Variants in RNF212B observed in about 807,000 individuals in gnomAD.
RNF212B encodes the protein ring finger protein 212B.
In RNF212B, 52 loss-of-function variants were observed where a neutral mutation model predicts 55.5. The ratio of observed to expected loss-of-function variants is 0.94; its 90% confidence interval spans 0.75 to 1.18. RNF212B has a LOEUF of 1.18. Ranked by LOEUF, RNF212B falls within the 50% of genes most tolerant of loss-of-function variation. The probability of loss-of-function intolerance (pLI) is 0.00; values close to 1 mark genes in which losing one functional copy is unlikely to be tolerated. For missense variants in RNF212B, 289 were observed against 350.4 expected (o/e 0.82, Z 1.40); for synonymous variants, 99 against 121.4 (o/e 0.82, Z 1.21).
chr14:23,231,945 AAT>A (rs1398544743), intron 2 of RNF212B, among the ~76,000 whole-genome samples: 1 of 108,106 alleles, frequency 9.3e-6, no homozygotes, highest in African/African-American at 4.7e-5. Context: ...CTCAGTGCTC[AAT>A]GTTGTTGCCC....
chr14:23,268,173 A>G (rs1481278896), intron 11 of RNF212B, among the ~76,000 whole-genome samples: 2 of 152,182 alleles, frequency 1.3e-5, no homozygotes, highest in Admixed American at 6.5e-5. Context: ...GGTGCTGTCA[A>G]ATTAAGACAA....
intron 7 of RNF212B, among the ~76,000 whole-genome samples, chr14:23,261,654 C>G (rs569773601): frequency 2.0e-5 from 3 of 152,210 alleles, no homozygotes; most frequent in East Asian, 1.9e-4. Context: ...TATGCTCTAC[C>G]AACTCTTAAA....
intron 1 of RNF212B, among the ~76,000 whole-genome samples, chr14:23,190,734 G>A (rs1000165876): frequency 2.0e-5 from 3 of 152,102 alleles, no homozygotes; most frequent in African/African-American, 4.8e-5. Context: ...ATGATCCTTC[G>A]TAATCACAGA....
At chr14:23,232,850 T>C (rs540516182) in intron 2 of RNF212B, among the ~76,000 whole-genome samples, 1,322 of 107,270 alleles carry the variant, frequency 0.012, 19 homozygotes, top group African/African-American at 0.035. Context: ...TCTGCCCAGC[T>C]GCCCCGTCTG....
At chr14:23,186,778 A>C (rs1458664075) in intron 1 of RNF212B, among the ~76,000 whole-genome samples, 3 of 152,256 alleles carry the variant, frequency 2.0e-5, no homozygotes, top group Non-Finnish European at 4.4e-5. Context: ...GATTTTAAAA[A>C]TTAGAAACCT....
intron 1 of RNF212B, among the ~76,000 whole-genome samples, chr14:23,191,696 G>C (rs1361124892): frequency 1.3e-5 from 2 of 152,014 alleles, no homozygotes; most frequent in Admixed American, 6.6e-5. Flanking sequence ...TGTTTAAGTG[G>C]GATGATGGGT....
intron 2 of RNF212B, among the ~76,000 whole-genome samples, chr14:23,199,701 G>A (rs1879092397): frequency 6.6e-6 from 1 of 152,052 alleles, no homozygotes; most frequent in Admixed American, 6.6e-5. Flanking sequence ...GAAAAATAGT[G>A]GGGAGGAAGG....
At chr14:23,271,118 C>T (rs1328729408) in intron 14 of RNF212B, among the ~76,000 whole-genome samples, 7 of 152,026 alleles carry the variant, frequency 4.6e-5, no homozygotes, top group Non-Finnish European at 7.4e-5. Context: ...GGCATGGTAA[C>T]AAGGAGAGGT....
intron 2 of RNF212B, among the ~76,000 whole-genome samples, chr14:23,221,939 A>G (rs1352501458): frequency 6.6e-6 from 1 of 152,210 alleles, no homozygotes; most frequent in African/African-American, 2.4e-5. Flanking sequence ...CCTTGAAACA[A>G]GTGATAATGG....
At chr14:23,253,930 A>G (rs559355895) in intron 4 of RNF212B, among the ~76,000 whole-genome samples, 40 of 152,322 alleles carry the variant, frequency 2.6e-4, no homozygotes, top group African/African-American at 8.9e-4. Context: ...ATGTTCAAAA[A>G]TTAAATTGCG....
chr14:23,200,062 A>G (rs920393785), intron 2 of RNF212B, among the ~76,000 whole-genome samples: 14 of 152,258 alleles, frequency 9.2e-5, no homozygotes, highest in Admixed American at 2.6e-4. Flanking sequence ...CAACGAGTGT[A>G]CTATCGTCTT....
chr14:23,209,892 C>A (rs1221372783), intron 2 of RNF212B, among the ~76,000 whole-genome samples: 1 of 152,318 alleles, frequency 6.6e-6, no homozygotes, highest in East Asian at 1.9e-4. Flanking sequence ...GTGACTCAAA[C>A]CTGTAATCAC....
chr14:23,245,541 A>T (rs1349330483), intron 4 of RNF212B, among the ~76,000 whole-genome samples: 1 of 152,240 alleles, frequency 6.6e-6, no homozygotes, highest in Non-Finnish European at 1.5e-5. Context: ...GATAAAAGAA[A>T]TGGAAAGGGT....
chr14:23,240,486 T>G, intron 2 of RNF212B, 41 bp downstream of exon 2: 2 of 1,350,896 alleles, frequency 1.5e-6, no homozygotes, highest in Non-Finnish European at 2.1e-6. Context: ...GAAAAATGTT[T>G]TCATGTAAGG....
chr14:23,250,469 C>A (rs1017960757), intron 4 of RNF212B, among the ~76,000 whole-genome samples: 1 of 132,200 alleles, frequency 7.6e-6, no homozygotes, highest in Non-Finnish European at 1.6e-5. Context: ...GGTGACAGAG[C>A]GAGACTCTGT....
At chr14:23,194,302 A>T (rs1018454092) in intron 2 of RNF212B, among the ~76,000 whole-genome samples, 1 of 152,200 alleles carries the variant, frequency 6.6e-6, no homozygotes, top group African/African-American at 2.4e-5. Flanking sequence ...TTAAAAGAAC[A>T]CTCAAGAAGA....
At chr14:23,231,126 AG>A (rs1882578690) in intron 2 of RNF212B, among the ~76,000 whole-genome samples, 1 of 152,182 alleles carries the variant, frequency 6.6e-6, no homozygotes, top group African/African-American at 2.4e-5. Context: ...TATTAATTTT[AG>A]GGTGGATTTT....
At chr14:23,236,374 G>A (rs916444090), upstream of RNF212B, among the ~76,000 whole-genome samples, 2 of 152,124 alleles carry the variant, frequency 1.3e-5, no homozygotes, top group Non-Finnish European at 2.9e-5. Flanking sequence ...AATTAGCTGG[G>A]CGTAATGGCA....
At chr14:23,218,255 C>A (rs1881270528) in intron 2 of RNF212B, among the ~76,000 whole-genome samples, 1 of 151,908 alleles carries the variant, frequency 6.6e-6, no homozygotes, top group African/African-American at 2.4e-5. Context: ...GTAGTCCCAG[C>A]TACTCAGGAG....
Sources: gnomAD v4.1 joint callset for allele counts (sites outside exome capture counted in the v4.1 genomes callset) on GRCh38, gnomAD v4.1.1 for gene constraint, MANE v1.5 for transcripts, NCBI Gene and HGNC (gene_info 2026-07-23, HGNC 2026-07-21) for gene names.